PTPRZ1: variants seen among roughly 807,000 people sequenced by gnomAD.
PTPRZ1 encodes the protein receptor-type tyrosine-protein phosphatase zeta.
In PTPRZ1, 82 loss-of-function variants were observed where a neutral mutation model predicts 214.1. That is an observed-to-expected ratio of 0.38 (90% CI 0.32 to 0.46). The LOEUF (loss-of-function observed/expected upper bound fraction) is 0.46. Ranked by LOEUF, PTPRZ1 falls within the 20% of genes least tolerant of loss-of-function variation. PTPRZ1 has a pLI of 1.00. For missense variants in PTPRZ1, 2,603 were observed against 2,748.7 expected, an observed-to-expected ratio of 0.95 and a Z score of 1.19; for synonymous variants, 945 against 987.9, an observed-to-expected ratio of 0.96 and a Z score of 0.81.
At chr7:121,950,620 A>G (rs1214281607) in intron 2 of PTPRZ1, among the ~76,000 whole-genome samples, 1 of 152,210 alleles carries the variant, frequency 6.6e-6, no homozygotes, top group African/African-American at 2.4e-5. Context: ...AAATTTCTAC[A>G]CTGAATATTA....
At chr7:121,962,502 CTAA>C (rs1018771130) in intron 2 of PTPRZ1, among the ~76,000 whole-genome samples, 23 of 149,682 alleles carry the variant, frequency 1.5e-4, no homozygotes, top group African/African-American at 5.2e-4. Flanking sequence ...TAAGATTAGT[CTAA>C]TGTTTCATTA....
chr7:122,010,268 A>T, intron 11 of PTPRZ1, 66 bp from the exon 12 acceptor site: 1 of 1,444,268 alleles, frequency 6.9e-7, no homozygotes, highest in Non-Finnish European at 9.4e-7. Flanking sequence ...TGGCAGTGTA[A>T]GATATGAAGA....
intron 10 of PTPRZ1, among the ~76,000 whole-genome samples, chr7:122,001,109 C>A (rs915298049): frequency 6.6e-6 from 1 of 152,030 alleles, no homozygotes; most frequent in Non-Finnish European, 1.5e-5. Context: ...ATTCTTTGTA[C>A]CTTTTAATTA....
intron 8 of PTPRZ1, among the ~76,000 whole-genome samples, chr7:121,991,531 G>A (rs569676949): frequency 3.9e-5 from 6 of 152,114 alleles, no homozygotes; most frequent in South Asian, 2.1e-4. Flanking sequence ...CTGAAAAAAC[G>A]TCATAATGAA....
At chr7:121,980,870 T>C (rs1475871361) in intron 6 of PTPRZ1, among the ~76,000 whole-genome samples, 3 of 152,184 alleles carry the variant, frequency 2.0e-5, no homozygotes, top group Non-Finnish European at 4.4e-5. Context: ...AGGCCGGGCG[T>C]GGTGTCTCAC....
chr7:122,047,611 T>A (rs918321039), intron 23 of PTPRZ1, among the ~76,000 whole-genome samples: 1 of 151,448 alleles, frequency 6.6e-6, no homozygotes, highest in Admixed American at 6.6e-5. Context: ...TGGGTGTGTG[T>A]GAGTGTGTGT....
rs1318096932 is a variant in PTPRZ1, at chr7:121,997,902, T to A, written c.1136T>A (p.Leu379Gln). ...TAGGGTGCTATTCTCAATAATTTGC[T>A]ACCCAATATGAGTTATGTTCTTCAG... is the stretch of plus-strand genomic sequence containing the variant. ...QDLGAILNNL[L>Q]PNMSYVLQIV... The change falls in exon 10 of 30, where the codon CTA (leucine) becomes CAA (glutamine). Residue 379 changes from leucine to glutamine, a missense_variant. Transcript: ENST00000393386. The A allele has an allele frequency of 6.2e-7, 1 of 1,608,680 alleles. No individual in the cohort carries two copies. Among genetic ancestry groups the A allele is most frequent in the Non-Finnish European group, 8.5e-7 (1 of 1,175,892 alleles).
chr7:121,983,835 A>G lies in PTPRZ1; in HGVS notation c.777+13A>G, dbSNP rs2116568594. ...CTCTGAAAGCCAGGTAATCTTAGAA[A>G]TTCAAACAAATCAAGTAATTCAAAG... is the stretch of plus-strand genomic sequence containing the variant. On this transcript the variant is annotated intron_variant, in intron 7 of 29. Coordinates refer to ENST00000393386, the MANE Select transcript of PTPRZ1 (RefSeq NM_002851.3). 2 of 1,606,806 alleles carry G rather than the reference A, an allele frequency of 1.2e-6. No homozygotes were observed. Among genetic ancestry groups the G allele is most frequent in the Non-Finnish European group, 1.7e-6 (2 of 1,177,006 alleles).
Position 122,011,547 on chromosome 7 carries a change from A to T in PTPRZ1, c.2501A>T (p.His834Leu). The T allele has an allele frequency of 6.2e-7, 1 of 1,614,070 alleles. No homozygotes were observed. ...SASFSSELFR[H>L]LHTVSQILPQ... ...TCCTTCAGTAGTGAATTGTTTCGCC[A>T]TCTGCATACAGTTTCTCAAATCCTT... is the stretch of plus-strand genomic sequence containing the variant. Residue 834 changes from histidine (H) to leucine (L), a missense_variant, in exon 12 of 30, where the codon CAT becomes CTT. By Grantham distance (99) the His-to-Leu change is moderately conservative. Coordinates refer to ENST00000393386, the MANE Select transcript of PTPRZ1 (RefSeq NM_002851.3).
At chr7:121,967,532 A>G (rs998810335) in intron 2 of PTPRZ1, among the ~76,000 whole-genome samples, 13 of 152,212 alleles carry the variant, frequency 8.5e-5, no homozygotes, top group African/African-American at 3.1e-4. Flanking sequence ...TTACAGGACA[A>G]TTAAGCTTTT....
At position 121,873,447 on chromosome 7, in the gene PTPRZ1, C is replaced by A; in HGVS notation, c.-53C>A. The A allele has an allele frequency of 6.3e-7, 1 of 1,584,178 alleles. No homozygotes were observed. ...CATTTCCTTCGCTCCCCCTCCCTCT[C>A]CACTCTGAGAAGCAGAGGAGCCGCA... On this transcript the variant is annotated 5_prime_UTR_variant, in exon 1 of 30. Transcript: ENST00000393386.
intron 1 of PTPRZ1, among the ~76,000 whole-genome samples, chr7:121,898,962 C>T (rs1794882230): frequency 6.6e-6 from 1 of 152,076 alleles, no homozygotes. Context: ...TCAGCAAGTC[C>T]AGTGTAAACT....
intron 1 of PTPRZ1, among the ~76,000 whole-genome samples, chr7:121,910,407 T>A (rs1318379363): frequency 6.6e-6 from 1 of 152,148 alleles, no homozygotes; most frequent in African/African-American, 2.4e-5. Flanking sequence ...CTATCTCCCC[T>A]TGCTACAATG....
At position 122,059,735 on chromosome 7, in the gene PTPRZ1, CTTT is replaced by C. The variant is rs55805372; in HGVS notation, c.6672-8_6672-6del. ...TCTCAATGGAGTCTTTGTTCCTTTT[CTTT>C]TTTTTTTTTACAAGGCATGGAGGAG... On this transcript the variant is annotated splice_polypyrimidine_tract_variant and intron_variant, in intron 28 of 29. Coordinates refer to ENST00000393386, the MANE Select transcript of PTPRZ1 (RefSeq NM_002851.3). 7.8e-6 allele frequency: 10 copies of C among 1,278,058 alleles called. No individual in the cohort carries two copies. The highest frequency in any genetic ancestry group is 4.4e-5 in the Admixed American group (2 of 45,242). The allele number at this position is 1,278,058 out of a possible 1,614,324, so 79.2% of individuals were successfully genotyped here.
intron 2 of PTPRZ1, among the ~76,000 whole-genome samples, chr7:121,945,750 C>G (rs188012809): frequency 6.6e-6 from 1 of 152,264 alleles, no homozygotes; most frequent in Non-Finnish European, 1.5e-5. Context: ...CCAAGCATAA[C>G]ATCTTAATCT....
chr7:121,914,071 T>C (rs1217664217), intron 1 of PTPRZ1, among the ~76,000 whole-genome samples: 1 of 152,204 alleles, frequency 6.6e-6, no homozygotes, highest in Admixed American at 6.5e-5. Flanking sequence ...CCCAGCACTT[T>C]TGGAGGCCGA....
intron 11 of PTPRZ1, among the ~76,000 whole-genome samples, chr7:122,005,909 T>C (rs1798471249): frequency 6.6e-6 from 1 of 152,040 alleles, no homozygotes; most frequent in African/African-American, 2.4e-5. Context: ...TGATTCACGA[T>C]CCATGCTTAG....
intron 1 of PTPRZ1, among the ~76,000 whole-genome samples, chr7:121,915,009 A>G (rs1414958636): frequency 3.3e-5 from 5 of 152,118 alleles, no homozygotes; most frequent in African/African-American, 9.7e-5. Flanking sequence ...AACTGCATCA[A>G]TTCTTTTTGG....
chr7:121,994,444 G>A lies in PTPRZ1; in HGVS notation c.929-1938G>A, dbSNP rs990542488. Among the ~76,000 whole-genome samples, 12 of 151,738 alleles carry A rather than the reference G, an allele frequency of 7.9e-5. No individual in the cohort carries two copies. In the East Asian group the frequency reaches 2.3e-3, roughly 29 times the overall value. On this transcript the variant is annotated intron_variant, in intron 8 of 29. Transcript: ENST00000393386. ...CGAGTAGCTGGGATTACAGGCGCCC[G>A]CCACCACGCCTGGCTAATTTTTTGT...
Sources: gnomAD v4.1 joint callset for allele counts (sites outside exome capture counted in the v4.1 genomes callset) on GRCh38, gnomAD v4.1.1 for gene constraint, MANE v1.5 for transcripts, NCBI Gene and HGNC (gene_info 2026-07-23, HGNC 2026-07-21) for gene names.